CDIN1: variants seen among roughly 807,000 people sequenced by gnomAD.
The protein encoded by CDIN1 is CDAN1-interacting nuclease 1.
Under a neutral mutation model 45.3 loss-of-function variants are expected in CDIN1, and 33 were observed. That is an observed-to-expected ratio of 0.73 (90% CI 0.55 to 0.97). CDIN1 has a LOEUF of 0.97. Ranked by LOEUF, CDIN1 falls within the 50% of genes least tolerant of loss-of-function variation. The pLI is 0.00. For missense variants in CDIN1, 303 were observed against 339.4 expected (o/e 0.89, Z 0.84); for synonymous variants, 118 against 124.4 (o/e 0.95, Z 0.34).
At chr15:36,733,853 A>C (rs1024198686) in intron 10 of CDIN1, among the ~76,000 whole-genome samples, 2 of 152,198 alleles carry the variant, frequency 1.3e-5, no homozygotes, top group African/African-American at 4.8e-5. Flanking sequence ...AACTGTCAGC[A>C]ATAAGAAAAT....
chr15:36,652,523 G>A (rs1990660), intron 3 of CDIN1, among the ~76,000 whole-genome samples: 145,308 of 152,222 alleles, frequency 0.95, 69,363 homozygotes, highest in East Asian at 1. Context: ...TTGTTTGTGA[G>A]AAATTGATGT....
intron 10 of CDIN1, among the ~76,000 whole-genome samples, chr15:36,796,756 G>A (rs1232461398): frequency 9.2e-5 from 14 of 152,190 alleles, no homozygotes; most frequent in South Asian, 2.1e-4. Context: ...ATCCCTCTTC[G>A]TTTGGAAATG....
intron 7 of CDIN1, among the ~76,000 whole-genome samples, chr15:36,695,666 G>T (rs2042396383): frequency 6.6e-6 from 1 of 152,066 alleles, no homozygotes; most frequent in Non-Finnish European, 1.5e-5. Context: ...GGCCTACATG[G>T]TAAAACTCCA....
intron 10 of CDIN1, among the ~76,000 whole-genome samples, chr15:36,748,991 C>T (rs1450232125): frequency 3.9e-5 from 6 of 152,102 alleles, no homozygotes; most frequent in South Asian, 2.1e-4. Flanking sequence ...AGTAGGCCAT[C>T]GCACAGAGAC....
At chr15:36,584,528 T>C (rs1420077616) in intron 1 of CDIN1, among the ~76,000 whole-genome samples, 1 of 152,260 alleles carries the variant, frequency 6.6e-6, no homozygotes, top group Admixed American at 6.5e-5. Flanking sequence ...GTTTGTATGA[T>C]TATCATAGAT....
At chr15:36,726,157 C>T (rs1382752134) in intron 10 of CDIN1, among the ~76,000 whole-genome samples, 1 of 152,146 alleles carries the variant, frequency 6.6e-6, no homozygotes, top group Non-Finnish European at 1.5e-5. Context: ...TTTGTTTTAG[C>T]TCTTCACCTG....
intron 2 of CDIN1, 29 bp downstream of exon 2, chr15:36,644,352 G>T: frequency 6.3e-7 from 1 of 1,599,708 alleles, no homozygotes; most frequent in Non-Finnish European, 8.5e-7. Flanking sequence ...TGTGAGGGTT[G>T]ACAGGTGCCT....
At chr15:36,654,025 C>T in intron 3 of CDIN1, 73 bp from the exon 4 acceptor site, 3 of 1,132,260 alleles carry the variant, frequency 2.6e-6, no homozygotes, top group East Asian at 2.6e-5. Context: ...CATGTATACA[C>T]ACAGGGGATG....
At chr15:36,589,736 C>T (rs1173663661) in intron 1 of CDIN1, among the ~76,000 whole-genome samples, 3 of 152,158 alleles carry the variant, frequency 2.0e-5, no homozygotes, top group Non-Finnish European at 2.9e-5. Context: ...GATCTCCTGA[C>T]CTCGTGATCT....
In CDIN1 at chr15:36,746,669, C is replaced by CCACACACACACACACACACA. The variant is rs34320677; in HGVS notation, c.716+36718_716+36737dup. Among the ~76,000 whole-genome samples, 599 of 141,480 alleles carry CCACACACACACACACACACA rather than the reference C, an allele frequency of 4.2e-3. 2 individuals carry two copies. Among genetic ancestry groups the CCACACACACACACACACACA allele is most frequent in the East Asian group, 0.013 (64 of 4,868 alleles). 92.8% of individuals were successfully genotyped at this position (141,480 alleles called of 152,430 possible). A position where few individuals can be genotyped will look rare whatever the true frequency, so the allele number is the denominator to read the frequency against. On this transcript the variant is annotated intron_variant, in intron 10 of 10. Coordinates refer to ENST00000566621, the MANE Select transcript of CDIN1 (RefSeq NM_001321759.2). ...GCATATCATATATAAATATATGGTT[C>CCACACACACACACACACACA]CACACACACACACACACACACACAC...
intron 10 of CDIN1, among the ~76,000 whole-genome samples, chr15:36,716,404 T>A (rs111650805): frequency 3.3e-5 from 5 of 152,166 alleles, no homozygotes; most frequent in African/African-American, 1.2e-4. Context: ...GAAAAATAAA[T>A]GAGAGTTTAC....
At chr15:36,749,201 A>G (rs981746868) in intron 10 of CDIN1, among the ~76,000 whole-genome samples, 1 of 152,078 alleles carries the variant, frequency 6.6e-6, no homozygotes, top group Non-Finnish European at 1.5e-5. Flanking sequence ...ATTAACTTGG[A>G]TTTCTGTTCT....
intron 10 of CDIN1, among the ~76,000 whole-genome samples, chr15:36,802,552 A>T (rs2141135538): frequency 6.6e-6 from 1 of 152,328 alleles, no homozygotes; most frequent in South Asian, 2.1e-4. Flanking sequence ...GGAAAAGTAT[A>T]ACAATAGGAA....
intron 5 of CDIN1, among the ~76,000 whole-genome samples, chr15:36,676,192 T>G (rs141447692): frequency 2.2e-4 from 34 of 152,278 alleles, no homozygotes; most frequent in African/African-American, 7.7e-4. Flanking sequence ...TTAACATGCC[T>G]TGAAATTTCG....
At chr15:36,727,844 A>G (rs1401549375) in intron 10 of CDIN1, among the ~76,000 whole-genome samples, 1 of 152,220 alleles carries the variant, frequency 6.6e-6, no homozygotes, top group Non-Finnish European at 1.5e-5. Flanking sequence ...TACCTATTAT[A>G]AGTAGGACAC....
At chr15:36,733,595 T>C (rs984490897) in intron 10 of CDIN1, among the ~76,000 whole-genome samples, 1 of 152,150 alleles carries the variant, frequency 6.6e-6, no homozygotes, top group Admixed American at 6.5e-5. Flanking sequence ...ATTAATCATT[T>C]AGTTTGAAGG....
chr15:36,627,127 CT>C (rs1220259583), intron 1 of CDIN1: 1 of 188,790 alleles, frequency 5.3e-6, no homozygotes, highest in East Asian at 1.6e-4. Flanking sequence ...GGCACTTGTC[CT>C]TGCCCACCTC....
intron 5 of CDIN1, among the ~76,000 whole-genome samples, chr15:36,681,057 A>G (rs2041833144): frequency 6.6e-6 from 1 of 152,176 alleles, no homozygotes; most frequent in African/African-American, 2.4e-5. Context: ...AGAAAGAAAA[A>G]TAGAATACCA....
chr15:36,766,238 T>C (rs1240853244), intron 10 of CDIN1, among the ~76,000 whole-genome samples: 1 of 152,232 alleles, frequency 6.6e-6, no homozygotes, highest in Non-Finnish European at 1.5e-5. Context: ...GCAGGATTTT[T>C]TTCTTTTTTA....
Sources: allele counts gnomAD v4.1 joint callset (sites outside exome capture counted in the v4.1 genomes callset), GRCh38; gene constraint gnomAD v4.1.1; transcripts MANE v1.5; gene names NCBI Gene and HGNC (gene_info 2026-07-23, HGNC 2026-07-21).